SYCP1: variants seen among roughly 807,000 people sequenced by gnomAD.
SYCP1 encodes the protein synaptonemal complex protein 1, also known as cancer/testis antigen 8.
A neutral mutation model predicts 153.1 loss-of-function variants in SYCP1; 64 were observed. The observed-to-expected ratio is 0.42, with a 90% CI of 0.34 to 0.51. The LOEUF is 0.51. Ranked by LOEUF, SYCP1 falls within the 20% of genes least tolerant of loss-of-function variation. The pLI, the probability that SYCP1 is intolerant of heterozygous loss-of-function variation, is 0.06. For synonymous variants in SYCP1, 384 were observed against 341.8 expected (o/e 1.12, Z -1.36); for missense variants, 997 against 1,049.0 (o/e 0.95, Z 0.68).
chr1:114,865,757 T>G (rs1664700551), intron 8 of SYCP1, among the ~76,000 whole-genome samples: 1 of 152,064 alleles, frequency 6.6e-6, no homozygotes, highest in South Asian at 2.1e-4. Context: ...TTGTACACTC[T>G]ATGGATTTGG....
At chr1:114,872,120 G>C (rs1031187317) in intron 8 of SYCP1, among the ~76,000 whole-genome samples, 1 of 151,552 alleles carries the variant, frequency 6.6e-6, no homozygotes, top group African/African-American at 2.4e-5. Flanking sequence ...GGAATTACAG[G>C]TGTGAGCCAC....
In SYCP1 at chr1:114,860,744, C is replaced by T. The variant is rs913161732; in HGVS notation, c.533C>T (p.Ala178Val). ...TCTTTCCTTTGTTTCAGGAATAATG[C>T]CACAAGGCATTTATGTAATCTACTC... is the stretch of plus-strand genomic sequence containing the variant. ...ENKDLIKENN[A>V]TRHLCNLLKE... The change falls in exon 8 of 32, where the codon GCC becomes GTC. Residue 178 changes from alanine (A) to valine (V), a missense_variant. Physicochemically the swap from Ala to Val is moderately conservative, Grantham distance 64. This residue lies in a region of SYCP1 where 285 missense variants were observed against 366.1 expected (regional missense o/e 0.78). Coordinates refer to ENST00000369522, the MANE Select transcript of SYCP1 (RefSeq NM_003176.4). 1 of 1,594,284 alleles carries T rather than the reference C, an allele frequency of 6.3e-7. No homozygotes were observed. Among genetic ancestry groups the T allele is most frequent in the Non-Finnish European group, 8.5e-7 (1 of 1,173,162 alleles).
chr1:114,994,315 G>A (rs1239601575), intron 30 of SYCP1, among the ~76,000 whole-genome samples: 1 of 151,326 alleles, frequency 6.6e-6, no homozygotes, highest in Non-Finnish European at 1.5e-5. Flanking sequence ...AGCTATAAAT[G>A]TGAGTTTGAA....
chr1:114,984,844 T>A lies in SYCP1; in HGVS notation c.2679T>A (p.Asp893Glu). ...KMAFEFDINS[D>E]SSETTDLLSM... is the part of the protein sequence containing the mutation. ...CCTTTGAATTTGATATTAATTCAGA[T>A]AGTTCAGAAACTACTGATCTTTTGG... Residue 893 changes from aspartate (D) to glutamate (E), a missense_variant, in exon 30 of 32, where the codon GAT becomes GAA. Coordinates refer to ENST00000369522, the MANE Select transcript of SYCP1 (RefSeq NM_003176.4). 1.4e-6 allele frequency: 2 copies of A among 1,456,856 alleles called. No individual in the cohort carries two copies. The highest frequency in any genetic ancestry group is 1.5e-5 in the African/African-American group (1 of 68,706). 90.2% of individuals were successfully genotyped at this position (1,456,856 alleles called of 1,614,324 possible).
intron 8 of SYCP1, among the ~76,000 whole-genome samples, chr1:114,873,854 T>C (rs1048483375): frequency 6.6e-6 from 1 of 152,104 alleles, no homozygotes; most frequent in Non-Finnish European, 1.5e-5. Context: ...GTTTCAGCCT[T>C]CTGAGTAGCT....
At chr1:114,982,405 CTTTGT>C (rs1673216872) in intron 29 of SYCP1, among the ~76,000 whole-genome samples, 3 of 151,744 alleles carry the variant, frequency 2.0e-5, no homozygotes, top group African/African-American at 7.3e-5. Context: ...GTCTCTGAGA[CTTTGT>C]TTTTCTTCAT....
intron 9 of SYCP1, 95 bp from the exon 10 acceptor site, chr1:114,875,974 A>G (rs1397393372): frequency 1.3e-6 from 1 of 740,936 alleles, no homozygotes; most frequent in South Asian, 2.8e-5. Flanking sequence ...TTTTAAATTT[A>G]ATGATCACAT....
At chr1:114,854,418 G>A (rs1224061640), upstream of SYCP1, among the ~76,000 whole-genome samples, 1 of 152,282 alleles carries the variant, frequency 6.6e-6, no homozygotes. Flanking sequence ...GATTACAGGC[G>A]TGAGCCACCG....
chr1:114,934,390 A>G (rs1314155455), intron 23 of SYCP1, among the ~76,000 whole-genome samples: 1 of 152,204 alleles, frequency 6.6e-6, no homozygotes, highest in East Asian at 1.9e-4. Flanking sequence ...GGCCTGCCTT[A>G]CAAGAGCTCA....
At chr1:114,971,261 C>A (rs978326687) in intron 27 of SYCP1, among the ~76,000 whole-genome samples, 1 of 152,058 alleles carries the variant, frequency 6.6e-6, no homozygotes, top group Non-Finnish European at 1.5e-5. Context: ...TCAGACTTTC[C>A]TTGGGCAGGG....
At chr1:114,912,927 C>A (rs1668275196) in intron 18 of SYCP1, 106 bp from the exon 19 acceptor site, 1 of 711,196 alleles carries the variant, frequency 1.4e-6, no homozygotes, top group Non-Finnish European at 2.3e-6. Flanking sequence ...TCATGTTTTT[C>A]CCCCAGCCCT....
intron 27 of SYCP1, among the ~76,000 whole-genome samples, chr1:114,970,363 G>T (rs1433369895): frequency 6.6e-6 from 1 of 150,804 alleles, no homozygotes; most frequent in Non-Finnish European, 1.5e-5. Flanking sequence ...CCTTTCTCTG[G>T]TGCCTCCTTG....
chr1:114,871,834 C>T (rs1235831663), intron 8 of SYCP1, among the ~76,000 whole-genome samples: 1 of 152,194 alleles, frequency 6.6e-6, no homozygotes, highest in African/African-American at 2.4e-5. Context: ...GATCCAACTG[C>T]CTTGGCCTCC....
intron 27 of SYCP1, among the ~76,000 whole-genome samples, chr1:114,965,007 T>C (rs944891520): frequency 6.6e-6 from 1 of 152,166 alleles, no homozygotes; most frequent in Non-Finnish European, 1.5e-5. Flanking sequence ...ATGGAATGTT[T>C]TTCCATTTGT....
intron 8 of SYCP1, among the ~76,000 whole-genome samples, chr1:114,868,228 T>C (rs1436782522): frequency 6.6e-6 from 1 of 151,920 alleles, no homozygotes; most frequent in African/African-American, 2.4e-5. Context: ...AGCCTTGAAC[T>C]CCTGGGCTTA....
At chr1:114,971,249 G>C (rs1672472499) in intron 27 of SYCP1, among the ~76,000 whole-genome samples, 1 of 152,150 alleles carries the variant, frequency 6.6e-6, no homozygotes, top group South Asian at 2.1e-4. Context: ...GCGTTTCTGA[G>C]CTCAGACTTT....
intron 21 of SYCP1, among the ~76,000 whole-genome samples, chr1:114,924,529 C>A (rs191499151): frequency 7.0e-4 from 106 of 152,176 alleles, no homozygotes; most frequent in Admixed American, 2.4e-3. Flanking sequence ...TGAAAGAAGT[C>A]ACATTCAATG....
chr1:114,886,221 A>C lies in SYCP1; in HGVS notation c.1102A>C (p.Lys368Gln), dbSNP rs374782749. 2.5e-6 allele frequency: 4 copies of C among 1,612,040 alleles called. No individual in the cohort carries two copies. In the African/African-American group the frequency reaches 5.3e-5, roughly 22 times the overall value. The change falls in exon 14 of 32, where the codon AAA (lysine) becomes CAA (glutamine). Residue 368 changes from lysine (K) to glutamine (Q), a missense_variant. Around this residue, in one of 2 missense-constraint regions of SYCP1, gnomAD observed 712 missense variants for 682.9 expected, o/e 1.04. Coordinates refer to ENST00000369522, the MANE Select transcript of SYCP1 (RefSeq NM_003176.4). ...EKETQMEESN[K>Q]ARAAHSFVVT... ...AGAAACTCAAATGGAAGAATCTAATAAAGCTAGAGCTGCTCATTCGTTTGT... is the reference window on the plus strand; with the variant it reads ...AGAAACTCAAATGGAAGAATCTAATCAAGCTAGAGCTGCTCATTCGTTTGT...
At chr1:114,861,547 G>A (rs550719154) in intron 8 of SYCP1, among the ~76,000 whole-genome samples, 1 of 152,070 alleles carries the variant, frequency 6.6e-6, no homozygotes, top group East Asian at 1.9e-4. Context: ...TAACAGCTTG[G>A]GCTTAAGGAT....
Sources: allele counts gnomAD v4.1 joint callset (sites outside exome capture counted in the v4.1 genomes callset), GRCh38; gene constraint gnomAD v4.1.1; regional missense constraint gnomAD v4.1.1; transcripts MANE v1.5; gene names NCBI Gene and HGNC (gene_info 2026-07-23, HGNC 2026-07-21).